AGO3: variants seen among roughly 807,000 people sequenced by gnomAD.
AGO3 encodes the protein protein argonaute-3.
AGO3 carries 16 observed loss-of-function variants against 105.5 expected under a neutral mutation model. The ratio of observed to expected loss-of-function variants is 0.15; its 90% confidence interval spans 0.10 to 0.23. The LOEUF is 0.23. AGO3 is among the 10% of genes least tolerant of loss of function. AGO3 has a pLI of 1.00. For synonymous variants in AGO3, 340 were observed against 367.3 expected (o/e 0.93, Z 0.85); for missense variants, 534 against 1,088.0 (o/e 0.49, Z 7.16).
intron 13 of AGO3, 94 bp from the exon 14 acceptor site, chr1:36,036,083 G>A (rs924652283): frequency 3.0e-5 from 34 of 1,133,570 alleles, no homozygotes; most frequent in Non-Finnish European, 4.3e-5. Flanking sequence ...CCTCTGTGCT[G>A]TCAATAACTT....
chr1:35,990,080 T>C (rs1647478383), intron 5 of AGO3, among the ~76,000 whole-genome samples: 2 of 152,158 alleles, frequency 1.3e-5, no homozygotes, highest in South Asian at 4.1e-4. Flanking sequence ...GAAAGTCACA[T>C]AGTTTATATT....
At chr1:36,033,573 A>T (rs1263041728) in intron 12 of AGO3, among the ~76,000 whole-genome samples, 1 of 150,906 alleles carries the variant, frequency 6.6e-6, no homozygotes, top group Non-Finnish European at 1.5e-5. Flanking sequence ...TTAGCTCAGG[A>T]GGTCGAGACT....
chr1:35,995,199 TAAAA>T lies in AGO3; in HGVS notation c.659-9134_659-9131del, dbSNP rs1295296314. 1.3e-4 allele frequency among the ~76,000 whole-genome samples: 14 copies of T among 110,604 alleles called. No homozygotes were observed. The South Asian group carries it at 3.3e-3, about 26-fold the overall frequency. 72.6% of individuals were successfully genotyped at this position (110,604 alleles called of 152,430 possible). ...CTGGGCAACAGAGCAAGACACTGTCTAAAAAAAAAAATATATATATATATATATA... is the reference window on the plus strand; with the variant it reads ...CTGGGCAACAGAGCAAGACACTGTCTAAAAAAATATATATATATATATATA... On this transcript the variant is annotated intron_variant, in intron 5 of 18. Transcript: ENST00000373191.
chr1:35,961,479 T>C (rs1646675458), intron 2 of AGO3, among the ~76,000 whole-genome samples: 1 of 152,206 alleles, frequency 6.6e-6, no homozygotes, highest in Non-Finnish European at 1.5e-5. Context: ...ATGTTCCAAC[T>C]ATTTTTCCTA....
chr1:35,963,353 T>A (rs1163359474), intron 2 of AGO3, among the ~76,000 whole-genome samples: 2 of 149,538 alleles, frequency 1.3e-5, no homozygotes, highest in African/African-American at 2.5e-5. Context: ...ATAAATCTTT[T>A]AAAAATAATA....
intron 2 of AGO3, among the ~76,000 whole-genome samples, chr1:35,947,886 T>C (rs1401639893): frequency 6.6e-6 from 1 of 152,094 alleles, no homozygotes; most frequent in African/African-American, 2.4e-5. Context: ...ACCCTTCTGG[T>C]AGATATTTAC....
intron 17 of AGO3, among the ~76,000 whole-genome samples, chr1:36,049,675 G>GTAA (rs1642621822): frequency 6.6e-6 from 1 of 152,036 alleles, no homozygotes; most frequent in Admixed American, 6.6e-5. Context: ...CACTTCACCT[G>GTAA]TAAAGACACA....
At chr1:35,985,341 TA>T (rs1211366177) in intron 5 of AGO3, among the ~76,000 whole-genome samples, 6 of 152,140 alleles carry the variant, frequency 3.9e-5, no homozygotes, top group African/African-American at 1.4e-4. Flanking sequence ...AAGTCGATAT[TA>T]AGATTTATAT....
intron 5 of AGO3, among the ~76,000 whole-genome samples, chr1:36,001,747 C>T (rs912867499): frequency 1.3e-5 from 2 of 151,972 alleles, no homozygotes; most frequent in Middle Eastern, 6.8e-3. Context: ...TTTTTTTAAT[C>T]ACCTTTCTGA....
chr1:36,002,506 A>G (rs1394316387), intron 5 of AGO3, among the ~76,000 whole-genome samples: 2 of 140,250 alleles, frequency 1.4e-5, no homozygotes, highest in Non-Finnish European at 3.1e-5. Flanking sequence ...ATTTTTTTGT[A>G]TTTTCAGTAG....
intron 14 of AGO3, among the ~76,000 whole-genome samples, chr1:36,038,042 G>C (rs1642086770): frequency 6.6e-6 from 1 of 152,136 alleles, no homozygotes; most frequent in Non-Finnish European, 1.5e-5. Context: ...AGAACTTAGA[G>C]AGTAGTGTGA....
intron 1 of AGO3, 143 bp downstream of exon 1, chr1:35,931,588 C>T: frequency 2.1e-6 from 2 of 940,222 alleles, no homozygotes; most frequent in Non-Finnish European, 1.4e-6. Context: ...CCCTGCTCCT[C>T]CGCGACCTCC....
intron 5 of AGO3, among the ~76,000 whole-genome samples, chr1:35,986,030 T>C (rs1452377279): frequency 6.6e-6 from 1 of 152,202 alleles, no homozygotes; most frequent in Non-Finnish European, 1.5e-5. Context: ...AAAAGCCTTA[T>C]GATTTGCAAA....
rs147679559 is a variant in AGO3, at chr1:35,960,310, A to G, written c.192-6645A>G. Among the ~76,000 whole-genome samples, 412 of 152,202 alleles carry G rather than the reference A, an allele frequency of 2.7e-3. 1 individual carries two copies. Among genetic ancestry groups the G allele is most frequent in the African/African-American group, 9.0e-3 (372 of 41,532 alleles). ...TAAGAAATGAGAATTTACTGTCCCT[A>G]GATTTGCCATTTTGTTAGCTTGCAT... On this transcript the variant is annotated intron_variant, in intron 2 of 18. Transcript: ENST00000373191.
chr1:36,033,658 A>G (rs1341152188), intron 12 of AGO3, among the ~76,000 whole-genome samples: 1 of 143,646 alleles, frequency 7.0e-6, no homozygotes, highest in Non-Finnish European at 1.5e-5. Flanking sequence ...AAAAAAAAAA[A>G]GTTATATACA....
At chr1:35,984,952 A>G (rs1160171980) in intron 5 of AGO3, among the ~76,000 whole-genome samples, 1 of 142,682 alleles carries the variant, frequency 7.0e-6, no homozygotes, top group Admixed American at 6.8e-5. Context: ...AGAAAATTTA[A>G]TGAAACACAT....
At chr1:35,982,907 A>G (rs1015104941) in intron 5 of AGO3, 1 of 391,300 alleles carries the variant, frequency 2.6e-6, no homozygotes, top group Non-Finnish European at 4.6e-6. Flanking sequence ...AGCCTGGCAT[A>G]TCAGTCAAGG....
chr1:36,006,735 T>A (rs1477597625), intron 6 of AGO3, among the ~76,000 whole-genome samples: 1 of 152,216 alleles, frequency 6.6e-6, no homozygotes, highest in Non-Finnish European at 1.5e-5. Context: ...AAGGTAGTTG[T>A]AATGAAAAAT....
rs1413862372 is a variant in AGO3, at chr1:36,061,707, G to A, written c.*5962G>A. The stretch of plus-strand genomic sequence containing the variant: ...CTCAGTAAAGCAAAGACGTTTGTCA[G>A]GGCGTAGACTCTTGAGTTAAATTTT... On this transcript the variant is annotated 3_prime_UTR_variant, in exon 19 of 19. Transcript: ENST00000373191. The A allele has an allele frequency of 6.6e-6, 1 of 152,212 alleles. No homozygotes were observed. The highest frequency in any genetic ancestry group is 2.4e-5 in the African/African-American group (1 of 41,470). The allele number at this position is 152,212 out of a possible 1,614,324, so 9.4% of individuals were successfully genotyped here.
Sources: gnomAD v4.1 joint callset for allele counts (sites outside exome capture counted in the v4.1 genomes callset) on GRCh38, gnomAD v4.1.1 for gene constraint, MANE v1.5 for transcripts, NCBI Gene and HGNC (gene_info 2026-07-23, HGNC 2026-07-21) for gene names.